Variants in MYO1D observed in about 807,000 individuals in gnomAD.
MYO1D encodes the protein unconventional myosin-Id.
Under a neutral mutation model 122.0 loss-of-function variants are expected in MYO1D, and 83 were observed. The observed-to-expected ratio is 0.68, with a 90% CI of 0.57 to 0.82. MYO1D has a LOEUF of 0.82. Ranked by LOEUF, MYO1D falls within the 40% of genes least tolerant of loss-of-function variation. MYO1D has a pLI of 0.00. For missense variants in MYO1D, 1,157 were observed against 1,269.5 expected, an observed-to-expected ratio of 0.91 and a Z score of 1.35; for synonymous variants, 464 against 446.9, an observed-to-expected ratio of 1.04 and a Z score of -0.48.
chr17:32,507,509 C>A (rs1909540951), intron 21 of MYO1D, among the ~76,000 whole-genome samples: 1 of 152,194 alleles, frequency 6.6e-6, no homozygotes, highest in Non-Finnish European at 1.5e-5. Flanking sequence ...AGAACACATA[C>A]TAGACCACAG....
intron 1 of MYO1D, among the ~76,000 whole-genome samples, chr17:32,786,270 A>C (rs2090292947): frequency 6.6e-6 from 1 of 152,170 alleles, no homozygotes; most frequent in Non-Finnish European, 1.5e-5. Flanking sequence ...TTTTAAAAAA[A>C]AACAGGCTGT....
intron 20 of MYO1D, among the ~76,000 whole-genome samples, chr17:32,608,531 A>G (rs2087658967): frequency 6.6e-6 from 1 of 152,256 alleles, no homozygotes; most frequent in Non-Finnish European, 1.5e-5. Context: ...TGGGACTCAC[A>G]TGCATCATTG....
intron 1 of MYO1D, among the ~76,000 whole-genome samples, chr17:32,812,515 G>A (rs2090580967): frequency 6.6e-6 from 1 of 152,216 alleles, no homozygotes; most frequent in African/African-American, 2.4e-5. Flanking sequence ...CAGAGTAAAT[G>A]CTCTTAACTC....
chr17:32,668,888 G>C (rs889437819), intron 16 of MYO1D, among the ~76,000 whole-genome samples: 1 of 151,966 alleles, frequency 6.6e-6, no homozygotes, highest in Non-Finnish European at 1.5e-5. Flanking sequence ...TTTTTTAGTA[G>C]AGACGCGGTT....
chr17:32,556,219 G>T (rs2087067370), intron 21 of MYO1D, among the ~76,000 whole-genome samples: 1 of 152,144 alleles, frequency 6.6e-6, no homozygotes, highest in Non-Finnish European at 1.5e-5. Context: ...ACTCCCAATG[G>T]GGGAGACTCA....
In MYO1D at chr17:32,668,762, C is replaced by T. The variant is rs576356862; in HGVS notation, c.2122-9424G>A. 2.7e-3 allele frequency among the ~76,000 whole-genome samples: 408 copies of T among 150,408 alleles called. 2 individuals are homozygous for T. The highest frequency in any genetic ancestry group is 9.6e-3 in the African/African-American group (394 of 40,860). On this transcript the variant is annotated intron_variant, in intron 16 of 21. Transcript: ENST00000318217. ...TGTCGCCCAGGCTGGAGTGCAGTGG[C>T]GTGATCTCGGCTCACTGCAAGCTCC...
intron 3 of MYO1D, among the ~76,000 whole-genome samples, chr17:32,776,702 T>C (rs1280531088): frequency 6.6e-6 from 1 of 152,218 alleles, no homozygotes; most frequent in Non-Finnish European, 1.5e-5. Context: ...ATAAATTTAA[T>C]CTTCACTAGT....
intron 16 of MYO1D, among the ~76,000 whole-genome samples, chr17:32,707,696 G>GTAA (rs2089326179): frequency 1.3e-5 from 2 of 152,216 alleles, no homozygotes; most frequent in Admixed American, 6.5e-5. Flanking sequence ...CTTTCCCTAA[G>GTAA]TAATAAGATT....
chr17:32,698,718 T>C (rs1425397006), intron 16 of MYO1D, among the ~76,000 whole-genome samples: 3 of 152,120 alleles, frequency 2.0e-5, no homozygotes, highest in South Asian at 4.1e-4. Flanking sequence ...TAATTAACAG[T>C]TATTATATTA....
chr17:32,555,207 T>TA (rs2087057767), intron 21 of MYO1D, among the ~76,000 whole-genome samples: 1 of 152,034 alleles, frequency 6.6e-6, no homozygotes, highest in Non-Finnish European at 1.5e-5. Context: ...ACTGTTCCTT[T>TA]CCAGCACAGC....
At position 32,760,300 on chromosome 17, in the gene MYO1D, G is replaced by A. The variant is rs752770587; in HGVS notation, c.1286C>T (p.Pro429Leu). The change falls in exon 10 of 22, where the codon CCC becomes CTC. Residue 429 changes from proline to leucine, a missense_variant. Physicochemically the swap from Pro to Leu is moderately conservative, Grantham distance 98. Coordinates refer to ENST00000318217, the MANE Select transcript of MYO1D (RefSeq NM_015194.3). ...TAAGAGTCCACTCACATGTTTCCAG[G>A]GGATCCCTTCCCGCTGGTATTCCTC... is the stretch of plus-strand genomic sequence containing the variant. ...EQEEYQREGI[P>L]WKHIDYFNNQ... 2.5e-6 allele frequency: 4 copies of A among 1,608,240 alleles called. No homozygotes were observed. The East Asian group carries it at 8.9e-5, about 36-fold the overall frequency.
At chr17:32,607,372 A>G (rs562431979) in intron 20 of MYO1D, among the ~76,000 whole-genome samples, 5 of 152,308 alleles carry the variant, frequency 3.3e-5, no homozygotes, top group Admixed American at 1.3e-4. Flanking sequence ...AAAAATTGAA[A>G]AACAAAACCA....
chr17:32,504,018 T>C (rs1909411061), intron 21 of MYO1D, among the ~76,000 whole-genome samples: 1 of 152,254 alleles, frequency 6.6e-6, no homozygotes, highest in African/African-American at 2.4e-5. Flanking sequence ...GGCGTGGTGC[T>C]TCCTGGCATA....
chr17:32,670,115 C>T (rs547175721), intron 16 of MYO1D, among the ~76,000 whole-genome samples: 15 of 152,002 alleles, frequency 9.9e-5, no homozygotes, highest in African/African-American at 2.2e-4. Context: ...AGGCTGGTTT[C>T]GAATTCCTGA....
In MYO1D at chr17:32,589,670, C is replaced by T. The variant is rs145403428; in HGVS notation, c.2864+15417G>A. 2.7e-3 allele frequency among the ~76,000 whole-genome samples: 417 copies of T among 152,294 alleles called. 1 individual carries two copies. The highest frequency in any genetic ancestry group is 9.4e-3 in the African/African-American group (392 of 41,552). ...GTCCCTTGAGAATCTTCTCTCCCTA[C>T]GAACAGCTGTAGAACAGGAGGAAGC... is the stretch of plus-strand genomic sequence containing the variant. On this transcript the variant is annotated intron_variant, in intron 21 of 21. Transcript: ENST00000318217.
At chr17:32,700,977 GAATA>G (rs1347862930) in intron 16 of MYO1D, among the ~76,000 whole-genome samples, 1 of 147,844 alleles carries the variant, frequency 6.8e-6, no homozygotes, top group Non-Finnish European at 1.5e-5. Context: ...GAAAATAGTA[GAATA>G]AATAAATCAG....
intron 20 of MYO1D, among the ~76,000 whole-genome samples, chr17:32,623,911 C>T (rs1465427750): frequency 6.6e-6 from 1 of 152,116 alleles, no homozygotes; most frequent in African/African-American, 2.4e-5. Context: ...AGAAACCTCC[C>T]AAAGGTCCCA....
At position 32,524,267 on chromosome 17, in the gene MYO1D, C is replaced by T. The variant is rs369345249; in HGVS notation, c.2865-29352G>A. ...TTTGGTGGAGCATGCTTCCTTCCGA[C>T]GTCAACTCACTCTTCCCTCTATTGG... On this transcript the variant is annotated intron_variant, in intron 21 of 21. Transcript: ENST00000318217. Among the ~76,000 whole-genome samples the T allele has an allele frequency of 1.3e-3, 204 of 152,304 alleles. 1 individual carries two copies. The highest frequency in any genetic ancestry group is 4.6e-3 in the African/African-American group (190 of 41,576).
At chr17:32,841,701 A>T (rs1221719648) in intron 1 of MYO1D, among the ~76,000 whole-genome samples, 2 of 152,184 alleles carry the variant, frequency 1.3e-5, no homozygotes, top group Non-Finnish European at 2.9e-5. Flanking sequence ...GTGAGGGTGA[A>T]AAAAGACAGG....
Sources: gnomAD v4.1 joint callset for allele counts (sites outside exome capture counted in the v4.1 genomes callset) on GRCh38, gnomAD v4.1.1 for gene constraint, MANE v1.5 for transcripts, NCBI Gene and HGNC (gene_info 2026-07-23, HGNC 2026-07-21) for gene names.